Variants in SPOCK1 observed in about 807,000 individuals in gnomAD.
The protein encoded by SPOCK1 is SPARC (osteonectin), cwcv and kazal like domains proteoglycan 1.
SPOCK1 carries 23 observed loss-of-function variants against 55.3 expected under a neutral mutation model. The observed-to-expected ratio is 0.42, with a 90% confidence interval of 0.30 to 0.59. The LOEUF (loss-of-function observed/expected upper bound fraction) is 0.59. SPOCK1 is among the 20% of genes least tolerant of loss of function. The pLI, the probability that SPOCK1 is intolerant of heterozygous loss-of-function variation, is 0.22. For missense variants in SPOCK1, 499 were observed against 552.5 expected (o/e 0.90, Z 0.97); for synonymous variants, 226 against 221.0 (o/e 1.02, Z -0.20).
intron 4 of SPOCK1, among the ~76,000 whole-genome samples, chr5:137,124,392 C>T (rs1294078676): frequency 6.6e-6 from 1 of 152,128 alleles, no homozygotes; most frequent in East Asian, 1.9e-4. Context: ...TTATTTCTGG[C>T]TGAGTGCGCA....
chr5:137,268,508 T>G (rs1215173302), intron 2 of SPOCK1, among the ~76,000 whole-genome samples: 1 of 152,178 alleles, frequency 6.6e-6, no homozygotes, highest in Non-Finnish European at 1.5e-5. Context: ...TTAAATACAA[T>G]CCCAAACTTT....
chr5:137,442,944 C>T (rs979499772), intron 2 of SPOCK1, among the ~76,000 whole-genome samples: 2 of 152,174 alleles, frequency 1.3e-5, no homozygotes, highest in Non-Finnish European at 2.9e-5. Flanking sequence ...GCCCAGTGGG[C>T]CTCCCTCTCA....
chr5:137,131,436 T>A (rs1182117262), intron 4 of SPOCK1, among the ~76,000 whole-genome samples: 2 of 147,362 alleles, frequency 1.4e-5, no homozygotes, highest in Non-Finnish European at 3.0e-5. Context: ...GGTGAAACCT[T>A]GCTTCTGCTA....
At chr5:137,265,505 A>G (rs1216712469) in intron 3 of SPOCK1, among the ~76,000 whole-genome samples, 1 of 152,250 alleles carries the variant, frequency 6.6e-6, no homozygotes, top group African/African-American at 2.4e-5. Context: ...TTTAACTACC[A>G]GTATTCTTCA....
chr5:137,027,039 T>G (rs1751690766), intron 6 of SPOCK1, among the ~76,000 whole-genome samples: 1 of 152,192 alleles, frequency 6.6e-6, no homozygotes, highest in South Asian at 2.1e-4. Flanking sequence ...CATGTATTTT[T>G]ATGATTGTTT....
At chr5:136,996,336 G>A (rs934700378) in intron 6 of SPOCK1, among the ~76,000 whole-genome samples, 1 of 152,186 alleles carries the variant, frequency 6.6e-6, no homozygotes, top group African/African-American at 2.4e-5. Flanking sequence ...GGGTCCTGGC[G>A]AGAGGAGCAG....
intron 2 of SPOCK1, among the ~76,000 whole-genome samples, chr5:137,450,283 G>C (rs1234086993): frequency 6.6e-6 from 1 of 152,200 alleles, no homozygotes; most frequent in Non-Finnish European, 1.5e-5. Context: ...GGTAATGATA[G>C]GTGTTAACCC....
At chr5:137,001,858 G>A (rs79651377) in intron 6 of SPOCK1, among the ~76,000 whole-genome samples, 3,543 of 152,216 alleles carry the variant, frequency 0.023, 82 homozygotes, top group South Asian at 0.12. Context: ...AACACAATAG[G>A]AGCTTACTGA....
chr5:137,271,005 A>AAATTAATTAATT (rs3043269), intron 2 of SPOCK1, among the ~76,000 whole-genome samples: 5 of 147,560 alleles, frequency 3.4e-5, no homozygotes, highest in African/African-American at 7.6e-5. Context: ...CTCTGTCTCA[A>AAATTAATTAATT]AATTAATTAA....
intron 2 of SPOCK1, among the ~76,000 whole-genome samples, chr5:137,301,162 G>A (rs1383664335): frequency 2.0e-5 from 3 of 152,172 alleles, no homozygotes; most frequent in Non-Finnish European, 2.9e-5. Flanking sequence ...CTCCCAGTAG[G>A]AATGCCCAGG....
chr5:137,411,955 G>A (rs925395084), intron 2 of SPOCK1, among the ~76,000 whole-genome samples: 10 of 152,250 alleles, frequency 6.6e-5, no homozygotes, highest in South Asian at 4.2e-4. Context: ...GAAAAGGTCC[G>A]CGTGGCTATC....
At chr5:137,338,027 A>T (rs1046416980) in intron 2 of SPOCK1, among the ~76,000 whole-genome samples, 7 of 151,106 alleles carry the variant, frequency 4.6e-5, no homozygotes, top group Admixed American at 6.6e-5. Context: ...TTATTTTTTT[A>T]TTATTATTAT....
chr5:137,415,100 A>C (rs572460259), intron 2 of SPOCK1, among the ~76,000 whole-genome samples: 1 of 152,340 alleles, frequency 6.6e-6, no homozygotes, highest in African/African-American at 2.4e-5. Flanking sequence ...TAAAGGATAC[A>C]AGCCATTTGG....
chr5:137,198,714 CTTAA>C (rs977334210), intron 3 of SPOCK1, among the ~76,000 whole-genome samples: 16 of 152,164 alleles, frequency 1.1e-4, no homozygotes, highest in African/African-American at 3.4e-4. Flanking sequence ...CAACGTTTTT[CTTAA>C]TTTGATTGGC....
chr5:137,023,254 TAGTA>T (rs1321813429), intron 6 of SPOCK1, among the ~76,000 whole-genome samples: 2 of 152,222 alleles, frequency 1.3e-5, no homozygotes, highest in Non-Finnish European at 2.9e-5. Context: ...GTAAATTTCT[TAGTA>T]AGCATTGAGA....
At chr5:137,381,204 G>C (rs2127175100) in intron 2 of SPOCK1, among the ~76,000 whole-genome samples, 1 of 152,284 alleles carries the variant, frequency 6.6e-6, no homozygotes, top group Non-Finnish European at 1.5e-5. Flanking sequence ...TGATTCAAAG[G>C]GTGGGTTCCC....
intron 5 of SPOCK1, among the ~76,000 whole-genome samples, chr5:137,108,464 C>T (rs966230690): frequency 1.3e-5 from 2 of 152,146 alleles, no homozygotes; most frequent in Non-Finnish European, 2.9e-5. Context: ...ATGCCATTTC[C>T]CACTGCAGCA....
chr5:137,223,028 T>C (rs950150752), intron 3 of SPOCK1, among the ~76,000 whole-genome samples: 1 of 152,038 alleles, frequency 6.6e-6, no homozygotes, highest in East Asian at 1.9e-4. Context: ...CACGCTGATC[T>C]AGAATGGCAA....
chr5:137,010,759 C>T (rs562215056), intron 6 of SPOCK1, among the ~76,000 whole-genome samples: 1 of 152,282 alleles, frequency 6.6e-6, no homozygotes, highest in East Asian at 1.9e-4. Flanking sequence ...GCCAACATCC[C>T]TTGCCTGAGA....
Sources: gnomAD v4.1 joint callset for allele counts (sites outside exome capture counted in the v4.1 genomes callset) on GRCh38, gnomAD v4.1.1 for gene constraint, MANE v1.5 for transcripts, NCBI Gene and HGNC (gene_info 2026-07-23, HGNC 2026-07-21) for gene names.